Variants in TRPM3 observed in about 807,000 individuals in gnomAD.
TRPM3 encodes transient receptor potential cation channel subfamily M member 3, also known as long transient receptor potential channel 3.
Under a neutral mutation model 181.2 loss-of-function variants are expected in TRPM3, and 77 were observed. That is an observed-to-expected ratio of 0.42 (90% CI 0.35 to 0.51). The LOEUF (loss-of-function observed/expected upper bound fraction) is 0.51, where lower values mean the gene tolerates loss of function less well. Among genes scored for constraint, TRPM3 ranks in the 20% least tolerant of loss-of-function variants. TRPM3 has a pLI of 0.01. For synonymous variants in TRPM3, 745 were observed against 796.4 expected, an observed-to-expected ratio of 0.94 and a Z score of 1.09; for missense variants, 1,759 against 2,196.7, an observed-to-expected ratio of 0.80 and a Z score of 3.98.
intron 1 of TRPM3, among the ~76,000 whole-genome samples, chr9:71,185,451 G>C (rs994060943): frequency 3.3e-5 from 5 of 152,030 alleles, no homozygotes; most frequent in African/African-American, 1.2e-4. Flanking sequence ...AACCAAAGAA[G>C]CTTACTTTGG....
chr9:70,906,405 G>C (rs146266946), intron 1 of TRPM3, among the ~76,000 whole-genome samples: 2 of 152,178 alleles, frequency 1.3e-5, no homozygotes, highest in East Asian at 1.9e-4. Context: ...CGCTGAAAGA[G>C]AGGGCCGAAA....
chr9:71,132,823 A>G (rs2074458241), intron 1 of TRPM3, among the ~76,000 whole-genome samples: 1 of 152,176 alleles, frequency 6.6e-6, no homozygotes, highest in Admixed American at 6.5e-5. Context: ...ATTGATGTCC[A>G]TATTATCAAA....
chr9:71,219,196 G>A (rs539104768), intron 1 of TRPM3, among the ~76,000 whole-genome samples: 123 of 152,240 alleles, frequency 8.1e-4, no homozygotes, highest in African/African-American at 2.9e-3. Flanking sequence ...TGTGTGTTGG[G>A]GGTGGGGGTT....
At chr9:71,304,750 T>A (rs2087108384) in intron 1 of TRPM3, among the ~76,000 whole-genome samples, 2 of 152,198 alleles carry the variant, frequency 1.3e-5, no homozygotes, top group Admixed American at 1.3e-4. Flanking sequence ...CGCATTTAAA[T>A]ACTACAGGAT....
intron 1 of TRPM3, among the ~76,000 whole-genome samples, chr9:70,887,531 G>C (rs754006674): frequency 5.9e-5 from 9 of 152,172 alleles, no homozygotes; most frequent in Non-Finnish European, 8.8e-5. Context: ...ATGCCAGCAT[G>C]ATGCCTTTTT....
chr9:70,547,235 C>T (rs867208128), intron 25 of TRPM3, among the ~76,000 whole-genome samples: 104 of 152,162 alleles, frequency 6.8e-4, no homozygotes, highest in African/African-American at 2.3e-3. Flanking sequence ...ATAGAATATA[C>T]ACAGCTAATT....
chr9:70,584,866 T>C (rs540835881), intron 22 of TRPM3, among the ~76,000 whole-genome samples: 2 of 152,350 alleles, frequency 1.3e-5, no homozygotes, highest in Admixed American at 6.5e-5. Context: ...CAGCAAAGCC[T>C]CAATCTTGGA....
At chr9:70,640,705 A>C in intron 9 of TRPM3, 45 bp from the exon 10 acceptor site, 3 of 1,490,564 alleles carry the variant, frequency 2.0e-6, no homozygotes, top group Non-Finnish European at 2.8e-6. Context: ...AGAGAAAACG[A>C]CGATCAGTTA....
At chr9:71,345,739 A>T (rs752690368) in intron 1 of TRPM3, among the ~76,000 whole-genome samples, 44 of 152,176 alleles carry the variant, frequency 2.9e-4, no homozygotes, top group Non-Finnish European at 1.0e-4. Context: ...AAAGTATAAT[A>T]AAAAAGTGAC....
chr9:70,575,154 A>G (rs1486498589), intron 22 of TRPM3, among the ~76,000 whole-genome samples: 1 of 141,994 alleles, frequency 7.0e-6, no homozygotes. Context: ...GTATATTTCC[A>G]GGCTGGTCTT....
chr9:70,913,770 C>T (rs1315436052), intron 1 of TRPM3, among the ~76,000 whole-genome samples: 1 of 152,126 alleles, frequency 6.6e-6, no homozygotes, highest in African/African-American at 2.4e-5. Flanking sequence ...AACTCAATGT[C>T]TCTCTCTGTA....
chr9:70,639,851 A>G (rs1348689533), intron 10 of TRPM3, among the ~76,000 whole-genome samples: 2 of 152,204 alleles, frequency 1.3e-5, no homozygotes, highest in East Asian at 1.9e-4. Context: ...CTGAATGAAG[A>G]CAGGGGCTCC....
At chr9:70,990,124 G>A (rs750523627) in intron 1 of TRPM3, among the ~76,000 whole-genome samples, 19 of 152,090 alleles carry the variant, frequency 1.2e-4, no homozygotes, top group Non-Finnish European at 2.4e-4. Flanking sequence ...AGAAATTCCG[G>A]CTTTCAAGCT....
chr9:71,174,870 C>T (rs1269756798), intron 1 of TRPM3, among the ~76,000 whole-genome samples: 1 of 152,020 alleles, frequency 6.6e-6, no homozygotes, highest in Non-Finnish European at 1.5e-5. Flanking sequence ...GAGAGGACAG[C>T]GCACTTGACC....
intron 1 of TRPM3, among the ~76,000 whole-genome samples, chr9:71,008,187 G>A (rs1228670714): frequency 6.6e-6 from 1 of 151,748 alleles, no homozygotes; most frequent in Non-Finnish European, 1.5e-5. Flanking sequence ...ATGAATTCTT[G>A]GACACATACA....
At chr9:71,345,221 C>T (rs1197547436) in intron 1 of TRPM3, among the ~76,000 whole-genome samples, 1 of 152,112 alleles carries the variant, frequency 6.6e-6, no homozygotes, top group Non-Finnish European at 1.5e-5. Flanking sequence ...ACCATTTGAC[C>T]CATCAATCCC....
chr9:71,237,055 A>AG (rs2081391711), intron 1 of TRPM3, among the ~76,000 whole-genome samples: 1 of 148,904 alleles, frequency 6.7e-6, no homozygotes, highest in African/African-American at 2.5e-5. Context: ...AAAAAAAAAA[A>AG]AAAAAGGGGG....
At chr9:70,928,148 C>T (rs1201532271) in intron 1 of TRPM3, among the ~76,000 whole-genome samples, 2 of 152,088 alleles carry the variant, frequency 1.3e-5, no homozygotes, top group Admixed American at 1.3e-4. Context: ...GGCCAAATGC[C>T]ACTTCCGTGA....
chr9:71,301,598 T>C (rs1287540136), intron 1 of TRPM3, among the ~76,000 whole-genome samples: 1 of 152,196 alleles, frequency 6.6e-6, no homozygotes, highest in Non-Finnish European at 1.5e-5. Flanking sequence ...TCTCTATGTA[T>C]ATCTTTTAAA....
Sources: allele counts gnomAD v4.1 joint callset (sites outside exome capture counted in the v4.1 genomes callset), GRCh38; gene constraint gnomAD v4.1.1; transcripts MANE v1.5; gene names NCBI Gene and HGNC (gene_info 2026-07-23, HGNC 2026-07-21).